The following FBXL17 variants were observed in gnomAD, a reference collection of about 807,000 sequenced individuals.
The protein encoded by FBXL17 is F-box/LRR-repeat protein 17.
A neutral mutation model predicts 66.2 loss-of-function variants in FBXL17; 22 were observed. That is an observed-to-expected ratio of 0.33 (90% CI 0.24 to 0.47). The LOEUF (loss-of-function observed/expected upper bound fraction) is 0.47. Ranked by LOEUF, FBXL17 falls within the 20% of genes least tolerant of loss-of-function variation. The probability of loss-of-function intolerance (pLI) is 1.00; values close to 1 mark genes in which losing one functional copy is unlikely to be tolerated. For missense variants in FBXL17, 878 were observed against 948.2 expected (o/e 0.93, Z 0.97); for synonymous variants, 474 against 400.5 (o/e 1.18, Z -2.19).
chr5:107,887,699 C>T (rs970662225), intron 7 of FBXL17, among the ~76,000 whole-genome samples: 6 of 152,174 alleles, frequency 3.9e-5, no homozygotes, highest in African/African-American at 1.4e-4. Context: ...CGAAGGCTCC[C>T]TCCACCCCGC....
intron 6 of FBXL17, among the ~76,000 whole-genome samples, chr5:108,126,807 T>G (rs1014093678): frequency 6.6e-6 from 1 of 151,694 alleles, no homozygotes; most frequent in African/African-American, 2.4e-5. Flanking sequence ...GTTTAGTCTA[T>G]TCTTTAATTC....
intron 6 of FBXL17, among the ~76,000 whole-genome samples, chr5:108,067,840 A>G (rs550254493): frequency 3.4e-4 from 52 of 152,184 alleles, no homozygotes; most frequent in Non-Finnish European, 5.6e-4. Flanking sequence ...ATTCATAAAT[A>G]TTTGTCACTC....
intron 6 of FBXL17, among the ~76,000 whole-genome samples, chr5:108,165,066 C>T (rs943993409): frequency 1.3e-5 from 2 of 151,924 alleles, no homozygotes; most frequent in Non-Finnish European, 1.5e-5. Flanking sequence ...AAAAAGTATA[C>T]AAAGATATAG....
intron 5 of FBXL17, among the ~76,000 whole-genome samples, chr5:108,221,414 G>A (rs745948127): frequency 1.3e-5 from 2 of 152,092 alleles, no homozygotes; most frequent in Admixed American, 6.6e-5. Flanking sequence ...TAAATTCATA[G>A]ATTCTTCAGG....
intron 3 of FBXL17, among the ~76,000 whole-genome samples, 176 bp downstream of exon 3, chr5:108,364,562 G>A (rs1332021009): frequency 6.6e-6 from 1 of 151,928 alleles, no homozygotes; most frequent in East Asian, 1.9e-4. Context: ...TTAATTTACT[G>A]ATTATAACCA....
At chr5:108,289,723 A>T (rs1489361997) in intron 4 of FBXL17, among the ~76,000 whole-genome samples, 1 of 152,022 alleles carries the variant, frequency 6.6e-6, no homozygotes, top group African/African-American at 2.4e-5. Flanking sequence ...TTTGGGGAAA[A>T]TTTCTTAATA....
chr5:107,865,827 TAC>T (rs1359387127), intron 8 of FBXL17, among the ~76,000 whole-genome samples: 3 of 152,200 alleles, frequency 2.0e-5, no homozygotes, highest in African/African-American at 7.2e-5. Context: ...AATATTATAC[TAC>T]AGTTATGTTC....
At chr5:108,237,698 G>C (rs1423830959) in intron 4 of FBXL17, among the ~76,000 whole-genome samples, 1 of 152,098 alleles carries the variant, frequency 6.6e-6, no homozygotes, top group Non-Finnish European at 1.5e-5. Flanking sequence ...ACCAACTAAA[G>C]GAATATTTCG....
chr5:108,018,036 A>G (rs1055501787), intron 7 of FBXL17, among the ~76,000 whole-genome samples: 3 of 152,128 alleles, frequency 2.0e-5, no homozygotes, highest in African/African-American at 7.2e-5. Context: ...TCCTGAATCA[A>G]TGAAGCCTGT....
intron 7 of FBXL17, among the ~76,000 whole-genome samples, chr5:108,016,861 C>T (rs748325758): frequency 6.6e-6 from 1 of 151,134 alleles, no homozygotes; most frequent in Non-Finnish European, 1.5e-5. Flanking sequence ...CTCACTGCTA[C>T]CTCTGCCTCT....
chr5:108,045,582 A>C (rs986453120), intron 6 of FBXL17, among the ~76,000 whole-genome samples: 4 of 152,170 alleles, frequency 2.6e-5, no homozygotes, highest in Non-Finnish European at 5.9e-5. Flanking sequence ...TAATATCTGC[A>C]CTTAACAATA....
Position 108,224,423 on chromosome 5 carries a change from C to T in FBXL17, c.1507-195G>A, listed in dbSNP as rs1421265087. 2.6e-5 allele frequency among the ~76,000 whole-genome samples: 4 copies of T among 151,968 alleles called. No homozygotes were observed. The South Asian group carries it at 8.3e-4, about 32-fold the overall frequency. Reference sequence around the variant, plus strand: ...TCATCTCTTGACCCTACATCCACTTCTTATCACCCCATGTTTTTATACTTC... The same window carrying T: ...TCATCTCTTGACCCTACATCCACTTTTTATCACCCCATGTTTTTATACTTC... On this transcript the variant is annotated intron_variant, in intron 4 of 8. Coordinates refer to ENST00000542267, the MANE Select transcript of FBXL17 (RefSeq NM_001163315.3).
intron 8 of FBXL17, among the ~76,000 whole-genome samples, chr5:107,865,625 T>G (rs1335054735): frequency 1.3e-5 from 2 of 152,174 alleles, no homozygotes; most frequent in Non-Finnish European, 2.9e-5. Context: ...TAATCCTCTG[T>G]GCATATAATG....
chr5:108,199,341 C>G (rs1002777436), intron 5 of FBXL17, among the ~76,000 whole-genome samples: 1 of 152,158 alleles, frequency 6.6e-6, no homozygotes, highest in African/African-American at 2.4e-5. Flanking sequence ...AACTAGTTCA[C>G]AACAGTTAAC....
intron 5 of FBXL17, among the ~76,000 whole-genome samples, chr5:108,187,609 G>T (rs1273912669): frequency 6.6e-6 from 1 of 152,202 alleles, no homozygotes; most frequent in Non-Finnish European, 1.5e-5. Flanking sequence ...CAGGAGTCAA[G>T]GAACATGGGC....
intron 6 of FBXL17, among the ~76,000 whole-genome samples, chr5:108,038,387 G>T (rs762843245): frequency 1.3e-5 from 2 of 151,672 alleles, no homozygotes; most frequent in Non-Finnish European, 2.9e-5. Context: ...GTTAAAATAC[G>T]CCAAAAAAAC....
At chr5:108,299,467 T>C in intron 4 of FBXL17, 2 of 934,782 alleles carry the variant, frequency 2.1e-6, no homozygotes, top group Non-Finnish European at 2.6e-6. Flanking sequence ...GAAAAGTACT[T>C]AAATCACAAT....
intron 7 of FBXL17, among the ~76,000 whole-genome samples, chr5:107,959,037 T>A (rs1751785982): frequency 6.6e-6 from 1 of 152,258 alleles, no homozygotes; most frequent in East Asian, 1.9e-4. Flanking sequence ...AATCATGTGG[T>A]CTCCATGGTA....
At chr5:108,123,548 T>C (rs1750583480) in intron 6 of FBXL17, among the ~76,000 whole-genome samples, 1 of 152,172 alleles carries the variant, frequency 6.6e-6, no homozygotes, top group Non-Finnish European at 1.5e-5. Context: ...ACTAAATCTT[T>C]AGTAAAGATA....
Sources: allele counts gnomAD v4.1 joint callset (sites outside exome capture counted in the v4.1 genomes callset), GRCh38; gene constraint gnomAD v4.1.1; transcripts MANE v1.5; gene names NCBI Gene and HGNC (gene_info 2026-07-23, HGNC 2026-07-21).